THOC2: variants seen among roughly 807,000 people sequenced by gnomAD.
THOC2 encodes THO complex 2.
In THOC2, 10 loss-of-function variants were observed where a neutral mutation model predicts 128.4. The ratio of observed to expected loss-of-function variants is 0.08; its 90% confidence interval spans 0.05 to 0.13. The LOEUF (loss-of-function observed/expected upper bound fraction) is 0.13, where lower values mean the gene tolerates loss of function less well. Ranked by LOEUF, THOC2 falls within the 10% of genes least tolerant of loss-of-function variation. The pLI, the probability that THOC2 is intolerant of heterozygous loss-of-function variation, is 1.00. For synonymous variants in THOC2, 393 were observed against 396.9 expected, an observed-to-expected ratio of 0.99 and a Z score of 0.12; for missense variants, 535 against 1,155.7, an observed-to-expected ratio of 0.46 and a Z score of 7.79.
intron 33 of THOC2, among the ~76,000 whole-genome samples, chrX:123,615,470 A>G (rs1032604027): frequency 5.4e-5 from 6 of 110,904 alleles, no homozygotes; most frequent in African/African-American, 1.6e-4. Context: ...TCATAAAAAT[A>G]CTTGTCTAAA....
chrX:123,640,190 A>AAAAT (rs985559893), intron 16 of THOC2, among the ~76,000 whole-genome samples: 1 of 111,671 alleles, frequency 9.0e-6, no homozygotes, highest in South Asian at 3.7e-4. Flanking sequence ...TCATCTCAAA[A>AAAAT]AAATAAATAA....
intron 1 of THOC2, among the ~76,000 whole-genome samples, chrX:123,716,059 G>A (rs2051402667): frequency 9.0e-6 from 1 of 111,101 alleles, no homozygotes; most frequent in African/African-American, 3.3e-5. Flanking sequence ...AAACACAGAT[G>A]AAAAAATCCT....
chrX:123,604,540 G>A (rs1175599266), intron 38 of THOC2, among the ~76,000 whole-genome samples: 2 of 111,358 alleles, frequency 1.8e-5, no homozygotes, highest in Non-Finnish European at 3.8e-5. Flanking sequence ...AGTTTGAAAA[G>A]TAAGGTGGTC....
Position 123,623,155 on chromosome X carries a change from G to A in THOC2, c.3632C>T (p.Ser1211Leu). 1.7e-6 allele frequency: 2 copies of A among 1,211,228 alleles called. No homozygotes were observed. Among genetic ancestry groups the A allele is most frequent in the Non-Finnish European group, 2.2e-6 (2 of 895,185 alleles). The change falls in exon 29 of 39, where the codon TCA becomes TTA. Residue 1211 changes from serine to leucine, a missense_variant. By Grantham distance (145) the Ser-to-Leu change is moderately radical. This residue lies in a region of THOC2 where 116 missense variants were observed against 180.0 expected (regional missense o/e 0.64). Transcript: ENST00000245838. The stretch of plus-strand genomic sequence containing the variant: ...CGATTTAGATGCACTTCCTATTGAT[G>A]ATGAAGAAGGCCCACCACCAGGCCC... ...QNGPGGGPSSSSIGSASKSDE... is the reference protein window; with the variant it reads ...QNGPGGGPSSLSIGSASKSDE...
At chrX:123,620,741 G>A in intron 32 of THOC2, 166 bp downstream of exon 32, 1 of 417,075 alleles carries the variant, frequency 2.4e-6, no homozygotes, top group South Asian at 6.9e-5. Context: ...TACTCAATAG[G>A]AAAAAAAATC....
chrX:123,692,456 T>C (rs1382315415), intron 7 of THOC2, among the ~76,000 whole-genome samples: 1 of 110,066 alleles, frequency 9.1e-6, no homozygotes, highest in Non-Finnish European at 1.9e-5. Flanking sequence ...AATATAAAAA[T>C]TTTGATGTGC....
chrX:123,694,607 A>G (rs1373081575), intron 7 of THOC2, among the ~76,000 whole-genome samples: 1 of 33,016 alleles, frequency 3.0e-5, no homozygotes, highest in Non-Finnish European at 6.5e-5. Context: ...GACTCCATCT[A>G]AAAAAAAAAA....
chrX:123,697,648 T>G (rs776770884), intron 5 of THOC2, 33 bp downstream of exon 5: 5 of 814,079 alleles, frequency 6.1e-6, no homozygotes, highest in Admixed American at 3.0e-5. Flanking sequence ...TAATGCAGAT[T>G]TTTAAAAGGG....
intron 38 of THOC2, chrX:123,602,709 A>T (rs2046325898): frequency 1.8e-5 from 2 of 111,629 alleles, no homozygotes; most frequent in South Asian, 7.5e-4. Context: ...TGTACACTTT[A>T]AAAATGGCAA....
chrX:123,708,896 G>A (rs908367410), intron 2 of THOC2, among the ~76,000 whole-genome samples: 3 of 111,223 alleles, frequency 2.7e-5, no homozygotes, highest in African/African-American at 6.5e-5. Flanking sequence ...ACAGGTGTCC[G>A]CCACCACGCC....
intron 15 of THOC2, among the ~76,000 whole-genome samples, chrX:123,642,227 C>T (rs1389682602): frequency 2.7e-5 from 3 of 111,078 alleles, no homozygotes; most frequent in African/African-American, 9.8e-5. Flanking sequence ...AGTTCGAGAC[C>T]AGCCTGGCCA....
chrX:123,636,042 C>G, intron 19 of THOC2, 37 bp downstream of exon 19: 2 of 1,090,445 alleles, frequency 1.8e-6, no homozygotes, highest in East Asian at 6.0e-5. Flanking sequence ...CAAAAGTACT[C>G]TATTGAATTT....
chrX:123,621,558 T>C lies in THOC2; in HGVS notation c.3815A>G (p.Glu1272Gly), dbSNP rs1225074430. The C allele has an allele frequency of 8.6e-7, 1 of 1,157,091 alleles. No individual in the cohort carries two copies. Among genetic ancestry groups the C allele is most frequent in the Non-Finnish European group, 1.2e-6 (1 of 868,800 alleles). Residue 1272 changes from glutamate (E) to glycine (G), a missense_variant, in exon 31 of 39, where the codon GAA (glutamate) becomes GGA (glycine). Coordinates refer to ENST00000245838, the MANE Select transcript of THOC2 (RefSeq NM_001081550.2). ...CTCTTTTTCTTTCTCTTTCCCTTTT[T>C]CTTTGTCATTTTCTTTAACAGCTTT... ...SNKAVKENDK[E>G]KGKEKEKEKK...
Position 123,627,845 on chromosome X carries a change from C to T in THOC2, c.2605G>A (p.Val869Ile). ...CTGATGTCATCCCAGACTTTGGAAACATGTAAGGAGACCACTGCTTCATGG... is the reference window on the plus strand; with the variant it reads ...CTGATGTCATCCCAGACTTTGGAAATATGTAAGGAGACCACTGCTTCATGG... ...PVHEAVVSLH[V>I]SKVWDDISPQ... is the part of the protein sequence containing the mutation. Residue 869 changes from valine (V) to isoleucine (I), a missense_variant, in exon 23 of 39, where the codon GTT becomes ATT. Physicochemically the swap from Val to Ile is conservative, Grantham distance 29. This residue lies in a region of THOC2 where 90 missense variants were observed against 298.6 expected (regional missense o/e 0.30). Coordinates refer to ENST00000245838, the MANE Select transcript of THOC2 (RefSeq NM_001081550.2). 8.3e-7 allele frequency: 1 copy of T among 1,211,929 alleles called. No individual in the cohort carries two copies. The highest frequency in any genetic ancestry group is 1.1e-6 in the Non-Finnish European group (1 of 895,541).
intron 22 of THOC2, among the ~76,000 whole-genome samples, chrX:123,630,375 G>A (rs981378519): frequency 1.8e-5 from 2 of 110,967 alleles, no homozygotes; most frequent in Admixed American, 9.6e-5. Context: ...CACTTTGGGA[G>A]GCCAAGGCAG....
chrX:123,699,645 C>T (rs5911690), intron 4 of THOC2, among the ~76,000 whole-genome samples: 1,525 of 111,002 alleles, frequency 0.014, 8 homozygotes, highest in Non-Finnish European at 0.022. Context: ...CTAAGATCTA[C>T]CTCTCAAGGT....
chrX:123,637,903 G>C, intron 18 of THOC2, 140 bp downstream of exon 18: 2 of 445,783 alleles, frequency 4.5e-6, no homozygotes, highest in South Asian at 9.4e-5. Context: ...GGGCTCTGCA[G>C]AACAAACTCA....
chrX:123,631,135 G>A (rs1469043625), intron 22 of THOC2, among the ~76,000 whole-genome samples: 1 of 111,816 alleles, frequency 8.9e-6, no homozygotes, highest in African/African-American at 3.2e-5. Flanking sequence ...TGTTCACTTA[G>A]CACAGGGCAG....
Position 123,622,808 on chromosome X carries a change from A to G in THOC2, c.3735T>C (p.Ser1245=). Residue 1245 remains serine (S), a synonymous_variant, in exon 30 of 39, where the codon TCT becomes TCC. Coordinates refer to ENST00000245838, the MANE Select transcript of THOC2 (RefSeq NM_001081550.2). ...TTGAATTCCCTTTAGGTGTGGTACT[A>G]GAAGCTTTATTAACAGCTTTCACAC... ...QCGVKAVNKA[S]STTPKGNSSN... is the part of the protein sequence containing the mutation. 1 of 1,207,089 alleles carries G rather than the reference A, an allele frequency of 8.3e-7. No homozygotes were observed. The highest frequency in any genetic ancestry group is 1.1e-6 in the Non-Finnish European group (1 of 891,767).
Sources: gnomAD v4.1 joint callset for allele counts (sites outside exome capture counted in the v4.1 genomes callset) on GRCh38, gnomAD v4.1.1 for gene constraint, gnomAD v4.1.1 regional missense constraint, MANE v1.5 for transcripts, NCBI Gene and HGNC (gene_info 2026-07-23, HGNC 2026-07-21) for gene names.